The following ANKRD44 variants were observed in gnomAD, a reference collection of about 807,000 sequenced individuals.
ANKRD44 encodes ankyrin repeat domain 44.
ANKRD44 carries 35 observed loss-of-function variants against 116.0 expected under a neutral mutation model. That is an observed-to-expected ratio of 0.30 (90% CI 0.23 to 0.40). The LOEUF (loss-of-function observed/expected upper bound fraction) is 0.40, where lower values mean the gene tolerates loss of function less well. ANKRD44 is among the 10% of genes least tolerant of loss of function. ANKRD44 has a pLI of 1.00. For synonymous variants in ANKRD44, 435 were observed against 461.8 expected (o/e 0.94, Z 0.74); for missense variants, 1,014 against 1,242.6 (o/e 0.82, Z 2.77).
Position 197,281,219 on chromosome 2 carries a change from T to C in ANKRD44, c.27+29359A>G, listed in dbSNP as rs940635264. 3.9e-5 allele frequency among the ~76,000 whole-genome samples: 6 copies of C among 152,226 alleles called. No homozygotes were observed. In the South Asian group the frequency reaches 1.0e-3, roughly 26 times the overall value. On this transcript the variant is annotated intron_variant, in intron 1 of 27. Coordinates refer to ENST00000282272, the MANE Select transcript of ANKRD44 (RefSeq NM_001195144.2). ...CTTTGGGAGATGATCTTATACCAAA[T>C]GAACATGTTACATGCCTGTTGATAG...
intron 10 of ANKRD44, among the ~76,000 whole-genome samples, chr2:197,099,304 G>A (rs997429401): frequency 1.3e-5 from 2 of 152,038 alleles, no homozygotes; most frequent in African/African-American, 4.8e-5. Flanking sequence ...CTTGAAACTA[G>A]GTAACTTACA....
intron 2 of ANKRD44, among the ~76,000 whole-genome samples, chr2:197,169,224 C>T (rs781448417): frequency 2.6e-5 from 4 of 152,158 alleles, no homozygotes; most frequent in Non-Finnish European, 4.4e-5. Context: ...CCCCAATCTT[C>T]TCATGGCCCC....
intron 7 of ANKRD44, 148 bp from the exon 8 acceptor site, chr2:197,121,692 C>T: frequency 2.7e-6 from 2 of 729,364 alleles, no homozygotes; most frequent in Non-Finnish European, 4.5e-6. Context: ...CCAGTGTGGT[C>T]ATCTTGGGAA....
chr2:197,217,024 C>T (rs1485325662), intron 1 of ANKRD44, among the ~76,000 whole-genome samples: 1 of 152,126 alleles, frequency 6.6e-6, no homozygotes, highest in African/African-American at 2.4e-5. Context: ...GACAAAATCA[C>T]CAGCACTCTA....
In ANKRD44 at chr2:197,212,711, C is replaced by T. The variant is rs1022240818; in HGVS notation, c.28-25605G>A. On this transcript the variant is annotated intron_variant, in intron 1 of 27. Transcript: ENST00000282272. This position sits in a 1 kb window ranked among gnomAD's most constrained non-coding sequence, Gnocchi z 4.8. ...TAAAAATTCTGCATCACAGCAACTG[C>T]AGTGGTGTCATGTCAGACATGTTTT... Among the ~76,000 whole-genome samples the T allele has an allele frequency of 1.3e-5, 2 of 152,198 alleles. No homozygotes were observed. The highest frequency in any genetic ancestry group is 4.8e-5 in the African/African-American group (2 of 41,442).
At chr2:197,280,308 AAAC>A (rs1188121583) in intron 1 of ANKRD44, among the ~76,000 whole-genome samples, 1 of 152,208 alleles carries the variant, frequency 6.6e-6, no homozygotes, top group African/African-American at 2.4e-5. Context: ...CACCTACCAG[AAAC>A]AACAAAGAAA....
rs535008212 is a variant in ANKRD44, at chr2:196,988,330, A to C, written c.*1261T>G. On this transcript the variant is annotated 3_prime_UTR_variant, in exon 28 of 28. Transcript: ENST00000282272. ...AATTTTCAGTGTTTTGGTAAAGATA[A>C]GGTCATTATTGCTCATTAGCAATTT... The C allele has an allele frequency of 1.0e-6, 1 of 985,480 alleles. No homozygotes were observed. The highest frequency in any genetic ancestry group is 6.1e-5 in the Admixed American group (1 of 16,292). The allele number at this position is 985,480 out of a possible 1,614,324, so 61.0% of individuals were successfully genotyped here.
intron 16 of ANKRD44, chr2:197,078,094 A>G (rs1227402526): frequency 6.6e-6 from 1 of 152,516 alleles, no homozygotes; most frequent in Non-Finnish European, 1.5e-5. Context: ...ATAACTCACA[A>G]AAGTACTATA....
intron 9 of ANKRD44, among the ~76,000 whole-genome samples, chr2:197,104,284 C>T (rs775111925): frequency 1.3e-5 from 2 of 152,120 alleles, no homozygotes; most frequent in Admixed American, 6.5e-5. Context: ...CCATGCCTGG[C>T]TAATTTTTGT....
At chr2:197,283,956 A>T (rs1343576470) in intron 1 of ANKRD44, among the ~76,000 whole-genome samples, 13 of 152,196 alleles carry the variant, frequency 8.5e-5, no homozygotes, top group Non-Finnish European at 1.5e-4. Flanking sequence ...TTAACTAGGC[A>T]CGAGGTACCA....
intron 27 of ANKRD44, among the ~76,000 whole-genome samples, chr2:196,991,264 A>T (rs1366326063): frequency 1.2e-4 from 18 of 152,142 alleles, no homozygotes; most frequent in Admixed American, 1.2e-3. Flanking sequence ...TCCACAATAA[A>T]CAGCAACAGG....
chr2:197,256,357 C>G (rs1453207136), intron 1 of ANKRD44, among the ~76,000 whole-genome samples: 2 of 152,138 alleles, frequency 1.3e-5, no homozygotes, highest in African/African-American at 4.8e-5. Context: ...GTGTTTCTGA[C>G]TATGTGTCTT....
In ANKRD44 at chr2:196,987,958, T is replaced by C. The variant is rs142947195; in HGVS notation, c.*1633A>G. On this transcript the variant is annotated 3_prime_UTR_variant, in exon 28 of 28. Coordinates refer to ENST00000282272, the MANE Select transcript of ANKRD44 (RefSeq NM_001195144.2). The stretch of plus-strand genomic sequence containing the variant: ...TTTAAAAAAATTTTGCCTTGGGGTA[T>C]GGGAGAAAGAGAAAGAGAGGAAGAG... 736 of 985,224 alleles carry C rather than the reference T, an allele frequency of 7.5e-4. 5 individuals carry two copies. In the African/African-American group the frequency reaches 0.011, roughly 15 times the overall value. The allele number at this position is 985,224 out of a possible 1,614,324, so 61.0% of individuals were successfully genotyped here.
chr2:197,031,269 A>C (rs563883128), intron 16 of ANKRD44, among the ~76,000 whole-genome samples: 2 of 152,298 alleles, frequency 1.3e-5, no homozygotes, highest in East Asian at 3.9e-4. Context: ...ACAATAACCT[A>C]AAAGTGATGT....
At position 197,043,372 on chromosome 2, in the gene ANKRD44, T is replaced by A. The variant is rs12990099; in HGVS notation, c.1651-18105A>T. On this transcript the variant is annotated intron_variant, in intron 16 of 27. Transcript: ENST00000282272. ...GACTTTGCTCTAGTTTTGACAAGGC[T>A]TTTTAAAAATTTTTTGTAGAGATGG... 5.3e-5 allele frequency among the ~76,000 whole-genome samples: 8 copies of A among 151,862 alleles called. No homozygotes were observed. In the South Asian group the frequency reaches 8.3e-4, roughly 16 times the overall value.
chr2:197,064,831 T>C (rs971595561), intron 16 of ANKRD44, among the ~76,000 whole-genome samples: 2 of 152,134 alleles, frequency 1.3e-5, no homozygotes, highest in Non-Finnish European at 2.9e-5. Context: ...CAAAGAGACT[T>C]AGACTCCCAC....
chr2:197,154,202 C>T (rs1269188996), intron 2 of ANKRD44, among the ~76,000 whole-genome samples: 2 of 111,736 alleles, frequency 1.8e-5, no homozygotes, highest in East Asian at 2.8e-4. Context: ...TTTTTTGAGA[C>T]GGAGTCTCGC....
intron 1 of ANKRD44, among the ~76,000 whole-genome samples, chr2:197,274,615 T>C (rs2083020290): frequency 6.6e-6 from 1 of 152,188 alleles, no homozygotes; most frequent in African/African-American, 2.4e-5. Context: ...AACTTTTCCC[T>C]CGGCCCAGTC....
At chr2:197,130,942 G>T (rs1254239174) in intron 4 of ANKRD44, among the ~76,000 whole-genome samples, 1 of 152,210 alleles carries the variant, frequency 6.6e-6, no homozygotes, top group South Asian at 2.1e-4. Flanking sequence ...GCTAGAACAG[G>T]CTCCATAAGG....
Sources: gnomAD v4.1 joint callset for allele counts (sites outside exome capture counted in the v4.1 genomes callset) on GRCh38, gnomAD v4.1.1 for gene constraint, Gnocchi (gnomAD v3.1) non-coding constraint, MANE v1.5 for transcripts, NCBI Gene and HGNC (gene_info 2026-07-23, HGNC 2026-07-21) for gene names.